The following KHK variants were observed in gnomAD, a reference collection of about 807,000 sequenced individuals.
The protein encoded by KHK is fructokinase.
A neutral mutation model predicts 36.0 loss-of-function variants in KHK; 37 were observed. That is an observed-to-expected ratio of 1.03 (90% CI 0.79 to 1.35). The LOEUF (loss-of-function observed/expected upper bound fraction) is 1.35, where lower values mean the gene tolerates loss of function less well. KHK is among the 40% of genes most tolerant of loss of function. KHK has a pLI of 0.00. For missense variants in KHK, 395 were observed against 391.9 expected (o/e 1.01, Z -0.07); for synonymous variants, 161 against 162.8 (o/e 0.99, Z 0.08).
At chr2:27,099,080 T>G in intron 5 of KHK, 116 bp from the exon 6 acceptor site, 4 of 889,686 alleles carry the variant, frequency 4.5e-6, no homozygotes, top group Non-Finnish European at 7.7e-6. Context: ...AGATGCTACG[T>G]TGGGGATCTA....
chr2:27,096,591 A>G (rs1670367156), intron 3 of KHK, 138 bp from the exon 4 acceptor site: 4 of 762,630 alleles, frequency 5.2e-6, no homozygotes, highest in Non-Finnish European at 7.1e-6. Flanking sequence ...GAGCCTGAGA[A>G]TCCTGTGCTG....
In KHK at chr2:27,100,115, T is replaced by G. The variant is rs1270052226; in HGVS notation, c.*365T>G. ...CTGCCTGGGCTAGAGCAGCGAGAAG[T>G]GCCCTGGGCTTGCCACCAGCTCTGC... On this transcript the variant is annotated 3_prime_UTR_variant, in exon 8 of 8. Transcript: ENST00000260598. The G allele has an allele frequency of 7.2e-6, 4 of 555,914 alleles. No individual in the cohort carries two copies. The highest frequency in any genetic ancestry group is 1.3e-5 in the Non-Finnish European group (4 of 310,330). 34.4% of individuals were successfully genotyped at this position (555,914 alleles called of 1,614,324 possible).
chr2:27,092,531 TG>T, intron 2 of KHK, 83 bp downstream of exon 2: 1 of 1,022,022 alleles, frequency 9.8e-7, no homozygotes, highest in Non-Finnish European at 1.5e-6. Context: ...CCTGGGTGGA[TG>T]GGGGATTAGA....
chr2:27,089,420 G>A (rs184229469), intron 1 of KHK, among the ~76,000 whole-genome samples: 31 of 152,304 alleles, frequency 2.0e-4, no homozygotes, highest in Admixed American at 2.0e-3. Context: ...GCAAATTCCA[G>A]GGCCACAGGT....
Position 27,097,656 on chromosome 2 carries a change from G to A in KHK, c.564+7G>A, listed in dbSNP as rs1572874946. ...GTTTGGCTACGGAGACGTGGTGGGT[G>A]CCCCATTCAGCCTCTCTTTGCCACT... On this transcript the variant is annotated splice_region_variant and intron_variant, in intron 5 of 7. Transcript: ENST00000260598. 6.2e-7 allele frequency: 1 copy of A among 1,613,784 alleles called. No individual in the cohort carries two copies. The highest frequency in any genetic ancestry group is 1.1e-5 in the South Asian group (1 of 91,082).
chr2:27,094,612 G>C, intron 2 of KHK, 188 bp from the exon 3 acceptor site: 1 of 1,614,074 alleles, frequency 6.2e-7, no homozygotes, highest in Non-Finnish European at 8.5e-7. Context: ...ACTATGACAG[G>C]TTTGTACAAC....
rs116028777 is a variant in KHK, at chr2:27,086,811, T to G, written c.-449T>G. On this transcript the variant is annotated 5_prime_UTR_variant, in exon 1 of 8. Transcript: ENST00000260598. ...ATGCGAGGCCCAGCTGTACCTCGCG[T>G]GTCCCGGGTCGGGAGTCGGAGACGC... 0.057 allele frequency: 8,758 copies of G among 154,080 alleles called. 835 individuals carry two copies. Among genetic ancestry groups the G allele is most frequent in the African/African-American group, 0.2 (8,275 of 41,540 alleles). 9.5% of individuals were successfully genotyped at this position (154,080 alleles called of 1,614,324 possible).
In KHK at chr2:27,098,223, A is replaced by T. The variant is rs79205816; in HGVS notation, c.564+574A>T. On this transcript the variant is annotated intron_variant, in intron 5 of 7. Transcript: ENST00000260598. ...TTGTCCTCAACCTTGGCTGCATATT[A>T]AAAAAGATGAATGCAGGCCAAGTGT... 2.4e-3 allele frequency among the ~76,000 whole-genome samples: 364 copies of T among 152,222 alleles called. 3 individuals are homozygous for T. The highest frequency in any genetic ancestry group is 8.4e-3 in the African/African-American group (350 of 41,544).
chr2:27,093,651 G>A (rs938266401), intron 2 of KHK, among the ~76,000 whole-genome samples: 3 of 152,170 alleles, frequency 2.0e-5, no homozygotes, highest in South Asian at 2.1e-4. Context: ...TGCTGAAAGC[G>A]GGCTCTGGCC....
At chr2:27,095,760 T>C (rs552297623) in intron 3 of KHK, among the ~76,000 whole-genome samples, 41 of 152,306 alleles carry the variant, frequency 2.7e-4, no homozygotes, top group African/African-American at 9.4e-4. Flanking sequence ...CTGCCGGACC[T>C]GGAGGAGGGG....
chr2:27,091,748 G>C (rs1443567653), intron 1 of KHK, among the ~76,000 whole-genome samples: 1 of 152,192 alleles, frequency 6.6e-6, no homozygotes, highest in East Asian at 1.9e-4. Flanking sequence ...CTTTTGGTTG[G>C]TTTTTAGTAA....
In KHK at chr2:27,099,477, CA is replaced by C; in HGVS notation, c.714del (p.Lys238AsnfsTer41). 1.9e-6 allele frequency: 3 copies of C among 1,614,116 alleles called. No individual in the cohort carries two copies. Among genetic ancestry groups the C allele is most frequent in the Non-Finnish European group, 2.5e-6 (3 of 1,180,002 alleles). Reference protein sequence around the residue: ...EGADALGPDGKLLHSDAFPPP... With the variant: ...EGADALGPDGXLLHSDAFPPP... ...GCGCCGACGCCCTGGGCCCTGATGG[CA>C]AATTGCTCCACTCGGATGCTTTCCC... On this transcript the variant is annotated frameshift_variant, in exon 7 of 8. Coordinates refer to ENST00000260598, the MANE Select transcript of KHK (RefSeq NM_006488.3). LOFTEE classifies it high-confidence loss of function.
At chr2:27,092,549 T>C in intron 2 of KHK, 101 bp downstream of exon 2, 1 of 881,930 alleles carries the variant, frequency 1.1e-6, no homozygotes, top group Non-Finnish European at 1.8e-6. Flanking sequence ...TAGAAATGGG[T>C]TGTGTCCAGC....
rs576893423 is a variant in KHK at position 27,100,500 on chromosome 2, C to T, written c.*750C>T. 2.3e-4 allele frequency: 303 copies of T among 1,291,016 alleles called. 3 individuals carry two copies. In the South Asian group the frequency reaches 3.5e-3, roughly 15 times the overall value. 80.0% of individuals were successfully genotyped at this position (1,291,016 alleles called of 1,614,324 possible). ...CCTCAGGGAGGTCCGATCTGGAACA[C>T]ATATTGGAATTGGGGCCAACTCCAA... On this transcript the variant is annotated 3_prime_UTR_variant, in exon 8 of 8. Transcript: ENST00000260598.
intron 4 of KHK, 91 bp downstream of exon 4, chr2:27,096,892 A>G: frequency 1.1e-6 from 1 of 946,148 alleles, no homozygotes; most frequent in Non-Finnish European, 1.7e-6. Context: ...ATCATGAAGT[A>G]CCTTAGAGAT....
chr2:27,097,505 C>A lies in KHK; in HGVS notation c.420C>A (p.Gly140=), dbSNP rs1670434375. The part of the protein sequence containing the change: ...LTQFKWIHIE[G]RNASEQVKML... ...TGAGCTGCCCTGTCCTGTACCAGGG[C>A]CGGAACGCATCGGAGCAGGTGAAGA... Residue 140 remains glycine (G), a splice_region_variant and synonymous_variant, in exon 5 of 8, where the codon GGC becomes GGA. Transcript: ENST00000260598. 6.2e-7 allele frequency: 1 copy of A among 1,613,554 alleles called. No individual in the cohort carries two copies. The highest frequency in any genetic ancestry group is 1.1e-5 in the South Asian group (1 of 91,086).
Position 27,099,438 on chromosome 2 carries a change from C to T in KHK, c.672C>T (p.Ala224=), listed in dbSNP as rs527882092. 1.2e-6 allele frequency: 2 copies of T among 1,614,014 alleles called. No homozygotes were observed. Among genetic ancestry groups the T allele is most frequent in the Admixed American group, 3.3e-5 (2 of 60,032 alleles). ...CTTGCAGGGCTGTGCTTGTCTGTGC[C>T]TGGGCTGAGGAGGGCGCCGACGCCC... is the stretch of plus-strand genomic sequence containing the variant. ...RVRKGAVLVC[A]WAEEGADALG... is the part of the protein sequence containing the mutation. The change falls in exon 7 of 8, where the codon GCC becomes GCT. Residue 224 remains alanine (A), a synonymous_variant. Coordinates refer to ENST00000260598, the MANE Select transcript of KHK (RefSeq NM_006488.3).
At chr2:27,095,001 G>A (rs998776104) in intron 3 of KHK, 67 bp downstream of exon 3, 134 of 1,574,818 alleles carry the variant, frequency 8.5e-5, no homozygotes, top group Non-Finnish European at 1.1e-4. Flanking sequence ...TCCCTCACTC[G>A]CCACCATGGG....
intron 1 of KHK, among the ~76,000 whole-genome samples, chr2:27,091,448 GTACAA>G (rs551669088): frequency 3.7e-4 from 57 of 152,134 alleles, no homozygotes; most frequent in African/African-American, 1.3e-3. Flanking sequence ...GAAGTTTCGC[GTACAA>G]ATATGCTTTG....
Sources: gnomAD v4.1 joint callset for allele counts (sites outside exome capture counted in the v4.1 genomes callset) on GRCh38, gnomAD v4.1.1 for gene constraint, MANE v1.5 for transcripts, NCBI Gene and HGNC (gene_info 2026-07-23, HGNC 2026-07-21) for gene names.